PPP4R1: variants seen among roughly 807,000 people sequenced by gnomAD.
PPP4R1 encodes serine/threonine-protein phosphatase 4 regulatory subunit 1.
PPP4R1 carries 42 observed loss-of-function variants against 111.2 expected under a neutral mutation model. The ratio of observed to expected loss-of-function variants is 0.38; its 90% CI spans 0.29 to 0.49. PPP4R1 has a LOEUF of 0.49. Ranked by LOEUF, PPP4R1 falls within the 20% of genes least tolerant of loss-of-function variation. PPP4R1 has a pLI of 0.97. For synonymous variants in PPP4R1, 409 were observed against 405.5 expected, an observed-to-expected ratio of 1.01 and a Z score of -0.10; for missense variants, 1,012 against 1,161.6, an observed-to-expected ratio of 0.87 and a Z score of 1.87.
intron 11 of PPP4R1, 54 bp downstream of exon 11, chr18:9,570,103 G>GAC (rs1209415536): frequency 4.1e-6 from 6 of 1,462,612 alleles, no homozygotes; most frequent in Non-Finnish European, 4.5e-6. Flanking sequence ...TTTTAAGATA[G>GAC]ACACTAATAT....
At chr18:9,560,894 G>C in intron 13 of PPP4R1, among the ~76,000 whole-genome samples, 1 of 150,516 alleles carries the variant, frequency 6.6e-6, no homozygotes. Flanking sequence ...TATACCATTT[G>C]ATCTGGGAAA....
chr18:9,559,417 A>G lies in PPP4R1; in HGVS notation c.2028+2T>C. 6.2e-7 allele frequency: 1 copy of G among 1,605,328 alleles called. No homozygotes were observed. Among genetic ancestry groups the G allele is most frequent in the Non-Finnish European group, 8.5e-7 (1 of 1,175,342 alleles). On this transcript the variant is annotated splice_donor_variant, in intron 14 of 19. Transcript: ENST00000400556. LOFTEE classifies it high-confidence loss of function. ...TGCTAATTCTTTAACTGCTTTACTCACCTGCATGTCTGAGGCCAGAGTCTC... is the reference window on the plus strand; with the variant it reads ...TGCTAATTCTTTAACTGCTTTACTCGCCTGCATGTCTGAGGCCAGAGTCTC...
At chr18:9,572,948 TG>T (rs2066884551) in intron 10 of PPP4R1, among the ~76,000 whole-genome samples, 1 of 152,234 alleles carries the variant, frequency 6.6e-6, no homozygotes. Context: ...ACTCTCGCAC[TG>T]GCACTACGTT....
rs553932748 is a variant in PPP4R1 at position 9,607,488 on chromosome 18, T to G, written c.52+6738A>C. Among the ~76,000 whole-genome samples the G allele has an allele frequency of 6.6e-5, 10 of 152,118 alleles. No individual in the cohort carries two copies. In the South Asian group the frequency reaches 2.1e-3, roughly 32 times the overall value. ...TAATATATAACGAACTCTCAAAATT[T>G]AATAAGAAAATGTCCCAATGAAAAG... On this transcript the variant is annotated intron_variant, in intron 2 of 19. Transcript: ENST00000400556.
chr18:9,561,069 A>T (rs7227394), intron 13 of PPP4R1, among the ~76,000 whole-genome samples: 7,319 of 150,982 alleles, frequency 0.048, 461 homozygotes, highest in African/African-American at 0.14. Flanking sequence ...AACACAAAAA[A>T]TTAGCTGGGC....
Position 9,570,220 on chromosome 18 carries a change from T to C in PPP4R1, c.1510A>G (p.Arg504Gly). 1 of 1,573,552 alleles carries C rather than the reference T, an allele frequency of 6.4e-7. No homozygotes were observed. Among genetic ancestry groups the C allele is most frequent in the South Asian group, 1.2e-5 (1 of 84,680 alleles). The part of the protein sequence containing the change: ...PSSPNITMAT[R>G]KELEEMIENL... ...TCTATCATTTCTTCCAGTTCCTTTC[T>C]GGTGGCCATGGTGATGTTTGGAGAA... Residue 504 changes from arginine (R) to glycine (G), a missense_variant, in exon 11 of 20, where the codon AGA becomes GGA. Physicochemically the swap from Arg to Gly is moderately radical, Grantham distance 125. This residue lies in a region of PPP4R1 where 707 missense variants were observed against 742.1 expected (regional missense o/e 0.95). Coordinates refer to ENST00000400556, the MANE Select transcript of PPP4R1 (RefSeq NM_001042388.3).
chr18:9,562,784 C>T, intron 12 of PPP4R1: 1 of 822,600 alleles, frequency 1.2e-6, no homozygotes, highest in Non-Finnish European at 1.5e-6. Context: ...TTCCTTCTCC[C>T]CATTTGTATA....
chr18:9,599,348 C>T (rs1568124197), intron 2 of PPP4R1, among the ~76,000 whole-genome samples: 1 of 152,086 alleles, frequency 6.6e-6, no homozygotes, highest in Non-Finnish European at 1.5e-5. Flanking sequence ...AAAAGAAACA[C>T]ACATACACCA....
intron 15 of PPP4R1, among the ~76,000 whole-genome samples, chr18:9,555,473 T>C: frequency 6.6e-6 from 1 of 152,178 alleles, no homozygotes; most frequent in Non-Finnish European, 1.5e-5. Context: ...AGTTCTAAAG[T>C]ATCACCTCAC....
chr18:9,550,502 G>C, intron 16 of PPP4R1, 104 bp from the exon 17 acceptor site: 1 of 1,305,500 alleles, frequency 7.7e-7, no homozygotes, highest in South Asian at 1.4e-5. Flanking sequence ...CTGAGCACCT[G>C]TCTCAAACAT....
upstream of PPP4R1, among the ~76,000 whole-genome samples, chr18:9,615,670 T>C (rs571819201): frequency 6.6e-6 from 1 of 152,294 alleles, no homozygotes; most frequent in East Asian, 1.9e-4. Flanking sequence ...AAAATGGTGT[T>C]CTCCTAAAGT....
In PPP4R1 at chr18:9,548,032, A is replaced by G. The variant is rs894647459; in HGVS notation, c.2690-80T>C. 8.6e-6 allele frequency: 12 copies of G among 1,400,534 alleles called. No homozygotes were observed. The South Asian group carries it at 1.3e-4, about 15-fold the overall frequency. The allele number at this position is 1,400,534 out of a possible 1,614,324, so 86.8% of individuals were successfully genotyped here. A position where few individuals can be genotyped will look rare whatever the true frequency, so the allele number is the denominator to read the frequency against. ...AGTTCCGTCAAGTACGAGTGTAAACAGTTAAACTGGGTATTTCTACAAGTA... is the reference window on the plus strand; with the variant it reads ...AGTTCCGTCAAGTACGAGTGTAAACGGTTAAACTGGGTATTTCTACAAGTA... On this transcript the variant is annotated intron_variant, in intron 19 of 19. Coordinates refer to ENST00000400556, the MANE Select transcript of PPP4R1 (RefSeq NM_001042388.3).
chr18:9,550,132 C>A lies in PPP4R1; in HGVS notation c.2467G>T (p.Asp823Tyr). The A allele has an allele frequency of 6.2e-7, 1 of 1,614,230 alleles. No individual in the cohort carries two copies. The highest frequency in any genetic ancestry group is 8.5e-7 in the Non-Finnish European group (1 of 1,180,046). The change falls in exon 18 of 20, where the codon GAC becomes TAC. Residue 823 changes from aspartate (D) to tyrosine (Y), a missense_variant. Transcript: ENST00000400556. ...HAATPPTFGV[D>Y]LINELVENFG... ...TTCTCCACAAGCTCATTGATGAGGT[C>A]CACTCCGAACGTTGGTGGTGTTGCC...
chr18:9,577,817 A>G (rs2145157681), intron 9 of PPP4R1, among the ~76,000 whole-genome samples: 1 of 152,390 alleles, frequency 6.6e-6, no homozygotes, highest in South Asian at 2.1e-4. Flanking sequence ...TGTGTTCTCA[A>G]GAACAAAAAG....
At chr18:9,602,321 G>A (rs1451962857) in intron 2 of PPP4R1, among the ~76,000 whole-genome samples, 1 of 139,158 alleles carries the variant, frequency 7.2e-6, no homozygotes, top group Non-Finnish European at 1.5e-5. Context: ...CATGAGGTCA[G>A]GAGATTGAGA....
At chr18:9,613,699 G>A (rs1333167012) in intron 2 of PPP4R1, 1 of 152,206 alleles carries the variant, frequency 6.6e-6, no homozygotes, top group Admixed American at 6.5e-5. Flanking sequence ...ACCAGCCAAA[G>A]TAAAATGACA....
intron 3 of PPP4R1, 175 bp from the exon 4 acceptor site, chr18:9,594,049 TC>T (rs2067254036): frequency 3.7e-6 from 2 of 545,660 alleles, no homozygotes; most frequent in African/African-American, 3.8e-5. Flanking sequence ...CACCTCAGCC[TC>T]CTGAGTAGCT....
At position 9,614,116 on chromosome 18, in the gene PPP4R1, C is replaced by T; in HGVS notation, c.52+110G>A. On this transcript the variant is annotated intron_variant, in intron 2 of 19. Coordinates refer to ENST00000400556, the MANE Select transcript of PPP4R1 (RefSeq NM_001042388.3). This position sits in a 1 kb window ranked among gnomAD's most constrained non-coding sequence, Gnocchi z 4.1. ...ACCCCAGCCCGCCTGGGGCCGCCCTCGCCCACCGTCCCCTCAGCCAGCCAG... is the reference window on the plus strand; with the variant it reads ...ACCCCAGCCCGCCTGGGGCCGCCCTTGCCCACCGTCCCCTCAGCCAGCCAG... 2.0e-6 allele frequency: 2 copies of T among 987,976 alleles called. No homozygotes were observed. Among genetic ancestry groups the T allele is most frequent in the Non-Finnish European group, 1.3e-6 (1 of 773,614 alleles). 61.2% of individuals were successfully genotyped at this position (987,976 alleles called of 1,614,324 possible). A position where few individuals can be genotyped will look rare whatever the true frequency, so the allele number is the denominator to read the frequency against.
At position 9,588,247 on chromosome 18, in the gene PPP4R1, A is replaced by G; in HGVS notation, c.439-12T>C. On this transcript the variant is annotated splice_polypyrimidine_tract_variant and intron_variant, in intron 5 of 19. Coordinates refer to ENST00000400556, the MANE Select transcript of PPP4R1 (RefSeq NM_001042388.3). ...CTTGTTTTCCTCACCTAGGAGAAAA[A>G]TAACAACACAAAGAAAGTACATATG... The G allele has an allele frequency of 2.5e-6, 4 of 1,611,044 alleles. No homozygotes were observed. Among genetic ancestry groups the G allele is most frequent in the Non-Finnish European group, 3.4e-6 (4 of 1,178,770 alleles).
Sources: gnomAD v4.1 joint callset for allele counts (sites outside exome capture counted in the v4.1 genomes callset) on GRCh38, gnomAD v4.1.1 for gene constraint, gnomAD v4.1.1 regional missense constraint, Gnocchi (gnomAD v3.1) non-coding constraint, MANE v1.5 for transcripts, NCBI Gene and HGNC (gene_info 2026-07-23, HGNC 2026-07-21) for gene names.